WDR89: variants seen among roughly 807,000 people sequenced by gnomAD.
The protein encoded by WDR89 is WD repeat domain 89.
WDR89 carries 17 observed loss-of-function variants against 29.1 expected under a neutral mutation model. That is an observed-to-expected ratio of 0.58 (90% CI 0.40 to 0.88). The LOEUF is 0.88. WDR89 is among the 40% of genes least tolerant of loss of function. The pLI, the probability that WDR89 is intolerant of heterozygous loss-of-function variation, is 0.00. For missense variants in WDR89, 396 were observed against 456.3 expected, an observed-to-expected ratio of 0.87 and a Z score of 1.20; for synonymous variants, 138 against 157.8, an observed-to-expected ratio of 0.87 and a Z score of 0.94.
In WDR89 at chr14:63,598,266, T is replaced by C. The variant is rs1894880792; in HGVS notation, c.*513A>G. The C allele has an allele frequency of 6.6e-6, 1 of 152,282 alleles. No individual in the cohort carries two copies. Among genetic ancestry groups the C allele is most frequent in the Admixed American group, 6.5e-5 (1 of 15,284 alleles). The allele number at this position is 152,282 out of a possible 1,614,324, so 9.4% of individuals were successfully genotyped here. A position where few individuals can be genotyped will look rare whatever the true frequency, so the allele number is the denominator to read the frequency against. On this transcript the variant is annotated 3_prime_UTR_variant, in exon 3 of 3. Transcript: ENST00000620954. ...TCACTTTACATAGATGCCTATCATT[T>C]CATTTGTAAAAAAGGTTAATTCTAT...
At chr14:63,617,077 C>CT (rs10602220) in intron 2 of WDR89, among the ~76,000 whole-genome samples, 1,274 of 104,094 alleles carry the variant, frequency 0.012, 21 homozygotes, top group Non-Finnish European at 0.018. Context: ...TAATTACAAG[C>CT]TTTTTTTTTT....
At chr14:63,618,696 C>A (rs1271876320) in intron 2 of WDR89, among the ~76,000 whole-genome samples, 1 of 151,698 alleles carries the variant, frequency 6.6e-6, no homozygotes, top group Non-Finnish European at 1.5e-5. Flanking sequence ...AAAAAACAAA[C>A]AAACAAACAA....
chr14:63,609,036 C>T lies in WDR89; in HGVS notation c.-31-9063G>A, dbSNP rs151323916. Among the ~76,000 whole-genome samples the T allele has an allele frequency of 4.1e-3, 622 of 151,486 alleles. 3 individuals carry two copies. The highest frequency in any genetic ancestry group is 6.2e-3 in the Non-Finnish European group (423 of 67,900). ...ATGAGGCAAGGGAATCGCTTGAAGC[C>T]GGGAGGCAGAGGCTGCAGTGAGCCG... On this transcript the variant is annotated intron_variant, in intron 2 of 2. Coordinates refer to ENST00000620954, the MANE Select transcript of WDR89 (RefSeq NM_080666.4).
At position 63,603,358 on chromosome 14, in the gene WDR89, C is replaced by T. The variant is rs189198746; in HGVS notation, c.-31-3385G>A. Among the ~76,000 whole-genome samples, 1,224 of 152,270 alleles carry T rather than the reference C, an allele frequency of 8.0e-3. 7 individuals are homozygous for T. Among genetic ancestry groups the T allele is most frequent in the Middle Eastern group, 0.02 (6 of 294 alleles). ...CAAAGTATCACTCCATTCCTAAATA[C>T]TTCACTATAACAGCATCTCTCCAAC... On this transcript the variant is annotated intron_variant, in intron 2 of 2. Transcript: ENST00000620954.
intron 2 of WDR89, among the ~76,000 whole-genome samples, chr14:63,622,665 G>T (rs994775840): frequency 6.7e-6 from 1 of 149,532 alleles, no homozygotes; most frequent in African/African-American, 2.5e-5. Context: ...TACTCGGGAG[G>T]CTGAGGCACA....
At chr14:63,605,211 T>TACATACAC (rs1555373925) in intron 2 of WDR89, among the ~76,000 whole-genome samples, 9 of 102,428 alleles carry the variant, frequency 8.8e-5, no homozygotes, top group African/African-American at 2.5e-4. Context: ...TACATACACA[T>TACATACAC]ACACACACAC....
chr14:63,623,243 C>T (rs1882817844), intron 2 of WDR89, among the ~76,000 whole-genome samples: 1 of 147,852 alleles, frequency 6.8e-6, no homozygotes, highest in African/African-American at 2.5e-5. Flanking sequence ...CTAGACTAAC[C>T]ACTTCAAACA....
At chr14:63,609,596 C>A (rs536052844) in intron 2 of WDR89, among the ~76,000 whole-genome samples, 29 of 152,230 alleles carry the variant, frequency 1.9e-4, no homozygotes, top group African/African-American at 6.5e-4. Context: ...TGGAGACCAG[C>A]CTGGCCAACA....
At chr14:63,640,365 A>G (rs1884026135) in intron 1 of WDR89, among the ~76,000 whole-genome samples, 1 of 152,356 alleles carries the variant, frequency 6.6e-6, no homozygotes, top group Non-Finnish European at 1.5e-5. Context: ...ATACAGGTGA[A>G]AAAGCTGATG....
chr14:63,636,052 C>T (rs1193204291), intron 1 of WDR89, among the ~76,000 whole-genome samples: 1 of 151,926 alleles, frequency 6.6e-6, no homozygotes, highest in Non-Finnish European at 1.5e-5. Context: ...ATCAAAAATA[C>T]AAAAAAATCA....
At position 63,599,851 on chromosome 14, in the gene WDR89, G is replaced by A. The variant is rs1894977527; in HGVS notation, c.92C>T (p.Thr31Ile). The A allele has an allele frequency of 2.5e-6, 4 of 1,613,988 alleles. No homozygotes were observed. The highest frequency in any genetic ancestry group is 2.2e-5 in the East Asian group (1 of 44,878). Residue 31 changes from threonine to isoleucine, a missense_variant, in exon 3 of 3, where the codon ACA (threonine) becomes ATA (isoleucine). Transcript: ENST00000620954. ...CTTTCCTGCTTGGACAGTCTTTGATGTGTCTATACCAAGAAGGTAAGTGGG... is the reference window on the plus strand; with the variant it reads ...CTTTCCTGCTTGGACAGTCTTTGATATGTCTATACCAAGAAGGTAAGTGGG... ...KEPTYLLGID[T>I]SKTVQAGKEN... is the part of the protein sequence containing the mutation.
chr14:63,608,968 G>C (rs1344878756), intron 2 of WDR89, among the ~76,000 whole-genome samples: 2 of 152,050 alleles, frequency 1.3e-5, no homozygotes, highest in African/African-American at 4.8e-5. Context: ...GGGTGTGGTG[G>C]TGCACTTGTA....
chr14:63,628,701 C>A (rs1022658484), intron 1 of WDR89, among the ~76,000 whole-genome samples: 1 of 152,164 alleles, frequency 6.6e-6, no homozygotes, highest in Non-Finnish European at 1.5e-5. Flanking sequence ...CGGTGGCTCA[C>A]GCCTGTGATC....
intron 2 of WDR89, 73 bp from the exon 3 acceptor site, chr14:63,600,046 A>C: frequency 1.1e-6 from 1 of 910,758 alleles, no homozygotes; most frequent in Non-Finnish European, 1.5e-6. Flanking sequence ...ATTTAACTTG[A>C]AGTTTCTCTA....
intron 2 of WDR89, among the ~76,000 whole-genome samples, chr14:63,620,703 G>T (rs1352902133): frequency 6.6e-6 from 1 of 151,810 alleles, no homozygotes; most frequent in African/African-American, 2.4e-5. Context: ...TGGCCAATAT[G>T]GTGAAGCCCC....
intron 2 of WDR89, among the ~76,000 whole-genome samples, chr14:63,608,034 C>T (rs1881702798): frequency 6.6e-6 from 1 of 151,880 alleles, no homozygotes; most frequent in African/African-American, 2.4e-5. Context: ...GGTGAAACCC[C>T]ATCTCTACTA....
chr14:63,626,628 A>G (rs1268892533), intron 1 of WDR89, among the ~76,000 whole-genome samples: 1 of 146,222 alleles, frequency 6.8e-6, no homozygotes, highest in Non-Finnish European at 1.5e-5. Context: ...GCAGTGAGCC[A>G]AGATCACACC....
intron 2 of WDR89, among the ~76,000 whole-genome samples, chr14:63,616,959 G>A (rs1882348744): frequency 6.6e-6 from 1 of 151,772 alleles, no homozygotes; most frequent in East Asian, 1.9e-4. Context: ...TGCAAGTGGT[G>A]TGAGAGAAGG....
chr14:63,608,693 C>T (rs1881756914), intron 2 of WDR89, among the ~76,000 whole-genome samples: 1 of 151,900 alleles, frequency 6.6e-6, no homozygotes, highest in South Asian at 2.1e-4. Context: ...CACACACACA[C>T]ACACAAATAG....
Sources: allele counts gnomAD v4.1 joint callset (sites outside exome capture counted in the v4.1 genomes callset), GRCh38; gene constraint gnomAD v4.1.1; transcripts MANE v1.5; gene names NCBI Gene and HGNC (gene_info 2026-07-23, HGNC 2026-07-21).